Variants in EPHA6 observed in about 807,000 individuals in gnomAD.
EPHA6 encodes the protein EPH receptor A6.
EPHA6 carries 50 observed loss-of-function variants against 112.0 expected under a neutral mutation model. That is an observed-to-expected ratio of 0.45 (90% confidence interval 0.36 to 0.56). The LOEUF (loss-of-function observed/expected upper bound fraction) is 0.56, where lower values mean the gene tolerates loss of function less well. Ranked by LOEUF, EPHA6 falls within the 20% of genes least tolerant of loss-of-function variation. The probability of loss-of-function intolerance (pLI) is 0.00; values close to 1 mark genes in which losing one functional copy is unlikely to be tolerated. For missense variants in EPHA6, 1,280 were observed against 1,417.4 expected (o/e 0.90, Z 1.56); for synonymous variants, 529 against 490.7 (o/e 1.08, Z -1.03).
chr3:97,435,631 T>C (rs1289648009), intron 6 of EPHA6, among the ~76,000 whole-genome samples: 1 of 152,156 alleles, frequency 6.6e-6, no homozygotes, highest in Non-Finnish European at 1.5e-5. Context: ...GACCCCTAAA[T>C]ACATAGTCCA....
chr3:97,574,465 G>C (rs1343195369), intron 11 of EPHA6, among the ~76,000 whole-genome samples: 1 of 152,058 alleles, frequency 6.6e-6, no homozygotes, highest in Non-Finnish European at 1.5e-5. Context: ...ATAAGAAAAA[G>C]CTACACAGAT....
At chr3:97,024,041 T>C (rs11914895) in intron 3 of EPHA6, among the ~76,000 whole-genome samples, 51 of 152,294 alleles carry the variant, frequency 3.3e-4, no homozygotes, top group African/African-American at 1.0e-3. Flanking sequence ...GATGATCTAG[T>C]GGTCAGTTCA....
chr3:96,966,906 T>C (rs1365353809), intron 2 of EPHA6, among the ~76,000 whole-genome samples: 1 of 152,070 alleles, frequency 6.6e-6, no homozygotes, highest in Non-Finnish European at 1.5e-5. Flanking sequence ...ATCCTTTAAG[T>C]ATACTGACTT....
At chr3:97,512,200 A>G (rs1431656359) in intron 10 of EPHA6, among the ~76,000 whole-genome samples, 5 of 152,168 alleles carry the variant, frequency 3.3e-5, no homozygotes. Context: ...GTCCTTGGAG[A>G]ATAAATAAGA....
intron 3 of EPHA6, among the ~76,000 whole-genome samples, chr3:97,222,760 C>G (rs1168417848): frequency 1.3e-5 from 2 of 152,180 alleles, no homozygotes; most frequent in Admixed American, 6.5e-5. Flanking sequence ...CTATCCAGTT[C>G]AATTAAACAA....
intron 6 of EPHA6, among the ~76,000 whole-genome samples, chr3:97,412,806 AT>A (rs1407891721): frequency 4.6e-5 from 7 of 152,048 alleles, no homozygotes; most frequent in African/African-American, 1.4e-4. Flanking sequence ...CTTCTAAAAA[AT>A]GTCCACTTTC....
chr3:97,324,409 C>CT (rs1299331243), intron 5 of EPHA6, among the ~76,000 whole-genome samples: 2 of 98,180 alleles, frequency 2.0e-5, no homozygotes, highest in East Asian at 2.8e-4. Flanking sequence ...TCCTTCTTTT[C>CT]TTTCTTTCTT....
chr3:97,686,772 C>T (rs896596403), intron 14 of EPHA6, among the ~76,000 whole-genome samples: 9 of 152,138 alleles, frequency 5.9e-5, no homozygotes, highest in African/African-American at 1.9e-4. Context: ...TTGCTGAAAT[C>T]GCTCAGAATT....
chr3:97,184,800 C>T (rs1443473021), intron 3 of EPHA6, among the ~76,000 whole-genome samples: 1 of 152,176 alleles, frequency 6.6e-6, no homozygotes, highest in African/African-American at 2.4e-5. Flanking sequence ...CATCACGCTA[C>T]CTGACTTCAA....
chr3:97,218,652 A>G (rs2078103267), intron 3 of EPHA6, among the ~76,000 whole-genome samples: 2 of 152,160 alleles, frequency 1.3e-5, no homozygotes, highest in Non-Finnish European at 2.9e-5. Context: ...ATAATTCAAG[A>G]TGAGACTTGG....
chr3:97,153,592 A>T (rs757603736), intron 3 of EPHA6, among the ~76,000 whole-genome samples: 15 of 152,124 alleles, frequency 9.9e-5, no homozygotes, highest in Admixed American at 1.3e-4. Flanking sequence ...AAATCTCAGT[A>T]ATAGAGCTCC....
intron 16 of EPHA6, chr3:97,745,673 A>G (rs1231870611): frequency 5.9e-6 from 1 of 168,414 alleles, no homozygotes; most frequent in African/African-American, 2.4e-5. Flanking sequence ...AGTTTAGAAA[A>G]AGGTAGGTCA....
At chr3:97,404,847 C>T (rs948967088) in intron 5 of EPHA6, among the ~76,000 whole-genome samples, 12 of 152,060 alleles carry the variant, frequency 7.9e-5, no homozygotes, top group Admixed American at 4.6e-4. Flanking sequence ...TGTTATAGCT[C>T]AAGACCAAAA....
chr3:97,611,249 G>T (rs1222336307), intron 13 of EPHA6, among the ~76,000 whole-genome samples: 1 of 151,680 alleles, frequency 6.6e-6, no homozygotes, highest in East Asian at 1.9e-4. Context: ...CTCCTTAACT[G>T]ATCTGTATTT....
intron 6 of EPHA6, among the ~76,000 whole-genome samples, chr3:97,415,369 G>T (rs763414747): frequency 6.6e-6 from 1 of 151,950 alleles, no homozygotes; most frequent in African/African-American, 2.4e-5. Context: ...AGATGTATTG[G>T]TTTGTAATTC....
chr3:97,643,501 T>G (rs1435293365), intron 14 of EPHA6, among the ~76,000 whole-genome samples: 165 of 143,004 alleles, frequency 1.2e-3, no homozygotes, highest in East Asian at 5.6e-3. Context: ...ACTGGCAAAT[T>G]GGATAAAGAG....
intron 1 of EPHA6, among the ~76,000 whole-genome samples, chr3:96,852,519 C>T (rs1029775416): frequency 4.0e-5 from 6 of 150,936 alleles, no homozygotes; most frequent in South Asian, 2.1e-4. Flanking sequence ...AGTTTAGATC[C>T]GTTTGCTAGG....
Position 97,685,671 on chromosome 3 carries a change from G to T in EPHA6, c.2785-34590G>T, listed in dbSNP as rs373272017. Among the ~76,000 whole-genome samples, 14 of 152,130 alleles carry T rather than the reference G, an allele frequency of 9.2e-5. No individual in the cohort carries two copies. The South Asian group carries it at 2.7e-3, about 29-fold the overall frequency. ...CCATCATTTTCACCTATATTTTGTC[G>T]ACCAACACAAGTCACATGGCCATGC... On this transcript the variant is annotated intron_variant, in intron 14 of 17. Coordinates refer to ENST00000389672, the MANE Select transcript of EPHA6 (RefSeq NM_001080448.3).
chr3:97,179,082 TCTAA>T (rs902718489), intron 3 of EPHA6, among the ~76,000 whole-genome samples: 8 of 152,076 alleles, frequency 5.3e-5, no homozygotes, highest in African/African-American at 1.9e-4. Flanking sequence ...TTTTGTCTTC[TCTAA>T]CTGTGTATTT....
Sources: allele counts gnomAD v4.1 joint callset (sites outside exome capture counted in the v4.1 genomes callset), GRCh38; gene constraint gnomAD v4.1.1; transcripts MANE v1.5; gene names NCBI Gene and HGNC (gene_info 2026-07-23, HGNC 2026-07-21).